The following CSMD2 variants were observed in gnomAD, a reference collection of about 807,000 sequenced individuals.
CSMD2 encodes CUB and Sushi multiple domains 2.
CSMD2 carries 130 observed loss-of-function variants against 398.5 expected under a neutral mutation model. The observed-to-expected ratio is 0.33, with a 90% CI of 0.28 to 0.38. The LOEUF (loss-of-function observed/expected upper bound fraction) is 0.38. Ranked by LOEUF, CSMD2 falls within the 10% of genes least tolerant of loss-of-function variation. CSMD2 has a pLI of 1.00. For synonymous variants in CSMD2, 1,828 were observed against 1,908.5 expected, an observed-to-expected ratio of 0.96 and a Z score of 1.10; for missense variants, 3,829 against 4,764.9, an observed-to-expected ratio of 0.80 and a Z score of 5.78.
At chr1:34,100,756 G>T (rs1158479867) in intron 1 of CSMD2, among the ~76,000 whole-genome samples, 1 of 152,110 alleles carries the variant, frequency 6.6e-6, no homozygotes, top group Non-Finnish European at 1.5e-5. Context: ...TGGATTTTTT[G>T]TTCCATTGTA....
intron 3 of CSMD2, among the ~76,000 whole-genome samples, chr1:34,017,897 A>G (rs1648348659): frequency 6.6e-6 from 1 of 152,216 alleles, no homozygotes; most frequent in South Asian, 2.1e-4. Context: ...TTCATAGCCA[A>G]CTGACACCTC....
chr1:33,802,276 T>C (rs1387898932), intron 10 of CSMD2, among the ~76,000 whole-genome samples: 1 of 152,182 alleles, frequency 6.6e-6, no homozygotes, highest in Non-Finnish European at 1.5e-5. Flanking sequence ...ATCTATGAAG[T>C]TTCCAGGAGG....
chr1:34,124,511 C>T (rs892413382), intron 1 of CSMD2, among the ~76,000 whole-genome samples: 1 of 152,154 alleles, frequency 6.6e-6, no homozygotes, highest in African/African-American at 2.4e-5. Context: ...CCAGGTGACA[C>T]CCTGCCTCCT....
chr1:33,679,477 G>A (rs1298065319), intron 25 of CSMD2, among the ~76,000 whole-genome samples: 2 of 152,174 alleles, frequency 1.3e-5, no homozygotes, highest in African/African-American at 4.8e-5. Context: ...TGGGATTACA[G>A]GCGTGAGCCA....
chr1:34,038,055 G>C (rs1482253169), intron 2 of CSMD2, among the ~76,000 whole-genome samples: 2 of 152,176 alleles, frequency 1.3e-5, no homozygotes, highest in Non-Finnish European at 2.9e-5. Context: ...AGCTAAGGCT[G>C]GGGGAGGGGA....
At chr1:33,575,197 A>T (rs573601012) in intron 49 of CSMD2, among the ~76,000 whole-genome samples, 2 of 152,156 alleles carry the variant, frequency 1.3e-5, no homozygotes, top group Non-Finnish European at 2.9e-5. Flanking sequence ...TCTGAGGGAG[A>T]GAGACACAGG....
intron 4 of CSMD2, among the ~76,000 whole-genome samples, chr1:33,924,417 A>G (rs1644053346): frequency 6.6e-6 from 1 of 152,138 alleles, no homozygotes; most frequent in South Asian, 2.1e-4. Flanking sequence ...TACATATACC[A>G]TATTTTCTTT....
At chr1:34,091,500 G>A (rs561136490) in intron 1 of CSMD2, among the ~76,000 whole-genome samples, 2 of 152,156 alleles carry the variant, frequency 1.3e-5, no homozygotes, top group South Asian at 2.1e-4. Context: ...ATTCCACTTC[G>A]AATCCATTTT....
intron 1 of CSMD2, among the ~76,000 whole-genome samples, chr1:34,154,847 C>T (rs1355946017): frequency 6.6e-6 from 1 of 151,720 alleles, no homozygotes; most frequent in Non-Finnish European, 1.5e-5. Flanking sequence ...CCTGCCTCAG[C>T]CTCCTAAGAA....
intron 29 of CSMD2, among the ~76,000 whole-genome samples, chr1:33,637,522 C>A (rs542705834): frequency 3.4e-4 from 52 of 152,326 alleles, no homozygotes; most frequent in African/African-American, 1.3e-3. Context: ...TCACCATCAG[C>A]TGGAAATCCT....
chr1:33,967,564 C>G (rs1477786350), intron 3 of CSMD2, among the ~76,000 whole-genome samples: 1 of 152,154 alleles, frequency 6.6e-6, no homozygotes, highest in African/African-American at 2.4e-5. Context: ...CAAATCCCAG[C>G]CAAACGTCCA....
At chr1:33,977,173 C>T (rs111916468) in intron 3 of CSMD2, among the ~76,000 whole-genome samples, 537 of 152,064 alleles carry the variant, frequency 3.5e-3, no homozygotes, top group Non-Finnish European at 5.5e-3. Context: ...AACAGCTGGC[C>T]GGGAATGACT....
chr1:33,650,400 G>A (rs1346086010), intron 28 of CSMD2, among the ~76,000 whole-genome samples: 4 of 152,196 alleles, frequency 2.6e-5, no homozygotes, highest in African/African-American at 9.7e-5. Context: ...CTTGGGAGAT[G>A]AGAAGACCCT....
intron 3 of CSMD2, among the ~76,000 whole-genome samples, chr1:33,996,590 AG>A (rs1299276951): frequency 6.6e-6 from 1 of 152,214 alleles, no homozygotes; most frequent in African/African-American, 2.4e-5. Flanking sequence ...TGCTCACTCA[AG>A]GGGCCACCCC....
chr1:33,629,136 A>G (rs997650111), intron 32 of CSMD2, among the ~76,000 whole-genome samples: 1 of 152,172 alleles, frequency 6.6e-6, no homozygotes, highest in Non-Finnish European at 1.5e-5. Context: ...TACAACCAGA[A>G]AAGTATAATA....
At chr1:34,161,642 G>A (rs1397368654) in intron 1 of CSMD2, among the ~76,000 whole-genome samples, 2 of 152,190 alleles carry the variant, frequency 1.3e-5, no homozygotes, top group African/African-American at 4.8e-5. Flanking sequence ...TGGCAATTGA[G>A]GTGGTCATTG....
intron 21 of CSMD2, among the ~76,000 whole-genome samples, chr1:33,711,175 G>T (rs1443537657): frequency 1.3e-5 from 2 of 152,174 alleles, no homozygotes; most frequent in Non-Finnish European, 2.9e-5. Flanking sequence ...AGATGAGGGT[G>T]AGGGTGAGGA....
At chr1:33,817,377 A>G (rs1657587916) in intron 9 of CSMD2, among the ~76,000 whole-genome samples, 1 of 152,182 alleles carries the variant, frequency 6.6e-6, no homozygotes, top group Admixed American at 6.5e-5. Flanking sequence ...CCTTGTTTAA[A>G]TTTCATAATC....
chr1:33,827,181 G>A (rs564049395), intron 6 of CSMD2, among the ~76,000 whole-genome samples: 2 of 152,308 alleles, frequency 1.3e-5, no homozygotes, highest in South Asian at 4.1e-4. Flanking sequence ...ACAAGAACCA[G>A]AGGGATCCTA....
Sources: allele counts gnomAD v4.1 joint callset (sites outside exome capture counted in the v4.1 genomes callset), GRCh38; gene constraint gnomAD v4.1.1; transcripts MANE v1.5; gene names NCBI Gene and HGNC (gene_info 2026-07-23, HGNC 2026-07-21).